The following DMD variants were observed in gnomAD, a reference collection of about 807,000 sequenced individuals.
The protein encoded by DMD is mutant dystrophin.
In DMD, 63 loss-of-function variants were observed where a neutral mutation model predicts 330.1. The ratio of observed to expected loss-of-function variants is 0.19; its 90% CI spans 0.16 to 0.24. The LOEUF is 0.24. DMD is among the 10% of genes least tolerant of loss of function. DMD has a pLI of 1.00. For synonymous variants in DMD, 1,223 were observed against 959.8 expected (o/e 1.27, Z -5.07); for missense variants, 3,344 against 2,684.1 (o/e 1.25, Z -5.43).
At chrX:31,183,090 C>T (rs1262061289) in intron 67 of DMD, among the ~76,000 whole-genome samples, 186 bp from the exon 68 acceptor site, 1 of 104,578 alleles carries the variant, frequency 9.6e-6, no homozygotes, top group Non-Finnish European at 1.9e-5. Context: ...ATCCAAAGAG[C>T]TACCCACTCC....
At chrX:33,154,870 T>C (rs1176806046) in intron 1 of DMD, among the ~76,000 whole-genome samples, 1 of 112,326 alleles carries the variant, frequency 8.9e-6, no homozygotes, top group Non-Finnish European at 1.9e-5. Context: ...AAAGGTTATT[T>C]TCCTCACCTC....
chrX:33,213,456 A>T (rs2051991915), upstream of DMD, among the ~76,000 whole-genome samples: 1 of 111,581 alleles, frequency 9.0e-6, no homozygotes, highest in African/African-American at 3.3e-5. Flanking sequence ...TAAAATTTAG[A>T]CCGAACAAAT....
chrX:33,128,180 A>G (rs2095476656), intron 1 of DMD: 1 of 1,205,870 alleles, frequency 8.3e-7, no homozygotes, highest in Non-Finnish European at 1.1e-6. Flanking sequence ...AATTCTGCGG[A>G]GGCTGGCTAC....
chrX:31,472,552 T>C (rs1453877906), intron 59 of DMD, among the ~76,000 whole-genome samples: 1 of 112,151 alleles, frequency 8.9e-6, no homozygotes, highest in East Asian at 2.8e-4. Context: ...TCAGAGGAAA[T>C]ATGCTTGGCT....
intron 44 of DMD, among the ~76,000 whole-genome samples, chrX:32,135,241 T>C (rs1459883077): frequency 8.9e-6 from 1 of 112,400 alleles, no homozygotes; most frequent in Non-Finnish European, 1.9e-5. Flanking sequence ...ACAGCAGTAA[T>C]AAAAAAACTT....
chrX:33,077,094 G>A (rs2094854407), intron 1 of DMD, among the ~76,000 whole-genome samples: 1 of 111,020 alleles, frequency 9.0e-6, no homozygotes, highest in African/African-American at 3.3e-5. Flanking sequence ...TCAAGTGCAG[G>A]GTCTGCAAAA....
intron 51 of DMD, among the ~76,000 whole-genome samples, chrX:31,766,031 C>A (rs2089971383): frequency 9.1e-6 from 1 of 110,296 alleles, no homozygotes; most frequent in African/African-American, 3.3e-5. Flanking sequence ...CTTTAAGGAC[C>A]AAAAGTTATG....
intron 1 of DMD, among the ~76,000 whole-genome samples, chrX:33,035,747 AC>A (rs898245426): frequency 8.9e-6 from 1 of 111,812 alleles, no homozygotes; most frequent in Non-Finnish European, 1.9e-5. Context: ...GATATAAAAA[AC>A]ATCATGCCAT....
intron 1 of DMD, among the ~76,000 whole-genome samples, chrX:33,274,001 C>T (rs966331024): frequency 5.4e-5 from 6 of 111,979 alleles, no homozygotes; most frequent in African/African-American, 9.7e-5. Context: ...TGATTGTATA[C>T]GGATTCACAT....
At chrX:32,087,192 T>C (rs1280329762) in intron 44 of DMD, among the ~76,000 whole-genome samples, 2 of 112,041 alleles carry the variant, frequency 1.8e-5, no homozygotes, top group South Asian at 3.7e-4. Flanking sequence ...TCCACTGATG[T>C]AGAAACGTAC....
At chrX:33,153,950 C>G (rs1476625964) in intron 1 of DMD, among the ~76,000 whole-genome samples, 1 of 112,499 alleles carries the variant, frequency 8.9e-6, no homozygotes, top group Non-Finnish European at 1.9e-5. Context: ...CATACTGCTC[C>G]TTCTGGCTAG....
chrX:31,756,055 C>A (rs1210474096), intron 51 of DMD, among the ~76,000 whole-genome samples: 2 of 111,265 alleles, frequency 1.8e-5, no homozygotes, highest in Non-Finnish European at 3.8e-5. Flanking sequence ...TGAGAGTAAG[C>A]CCGATCATTA....
rs372330460 is a variant in DMD, at chrX:32,501,745, G to A, written c.2380+10C>T. 71 of 1,179,258 alleles carry A rather than the reference G, an allele frequency of 6.0e-5. No homozygotes were observed. The African/African-American group carries it at 8.8e-4, about 15-fold the overall frequency. ...CTAAGAAGATTATCTAAATCAACTC[G>A]TGTAATTACCATTCACCATCTGTTC... On this transcript the variant is annotated intron_variant, in intron 19 of 78. Transcript: ENST00000357033.
chrX:31,587,325 C>T (rs946101941), intron 55 of DMD, among the ~76,000 whole-genome samples: 2 of 111,763 alleles, frequency 1.8e-5, no homozygotes, highest in African/African-American at 6.5e-5. Flanking sequence ...AGAGTATACT[C>T]TAAGTGTTCT....
chrX:32,890,384 G>T (rs144555245), intron 2 of DMD, among the ~76,000 whole-genome samples: 1,261 of 106,427 alleles, frequency 0.012, 26 homozygotes, highest in African/African-American at 0.041. Context: ...CAAACTTTTC[G>T]CGGGGAAGGA....
Position 32,557,993 on chromosome X carries a change from A to C in DMD, c.1992+7709T>G, listed in dbSNP as rs183374875. On this transcript the variant is annotated intron_variant, in intron 16 of 78. Coordinates refer to ENST00000357033, the MANE Select transcript of DMD (RefSeq NM_004006.3). ...TTAATTTATTACTGTAAGGTAATAAAATTTCTTGAATAAGTACTGACATTG... is the reference window on the plus strand; with the variant it reads ...TTAATTTATTACTGTAAGGTAATAACATTTCTTGAATAAGTACTGACATTG... Among the ~76,000 whole-genome samples the C allele has an allele frequency of 7.0e-3, 769 of 110,266 alleles. 8 individuals are homozygous for C. The highest frequency in any genetic ancestry group is 0.024 in the African/African-American group (720 of 30,529).
intron 2 of DMD, among the ~76,000 whole-genome samples, chrX:32,917,256 C>T (rs564412603): frequency 5.6e-4 from 61 of 108,300 alleles, no homozygotes; most frequent in African/African-American, 2.0e-3. Flanking sequence ...TGAGGCCTCC[C>T]CAGTCATGTG....
At chrX:31,348,802 G>C (rs770391754) in intron 60 of DMD, among the ~76,000 whole-genome samples, 168 bp from the exon 61 acceptor site, 1 of 111,829 alleles carries the variant, frequency 8.9e-6, no homozygotes, top group Non-Finnish European at 1.9e-5. Flanking sequence ...TAGTATTCCA[G>C]ACTCGTTTTT....
intron 37 of DMD, among the ~76,000 whole-genome samples, chrX:32,362,192 G>A (rs1306447998): frequency 9.0e-6 from 1 of 111,126 alleles, no homozygotes; most frequent in Non-Finnish European, 1.9e-5. Flanking sequence ...TGTTTTCATG[G>A]CGTGATCATT....
Sources: allele counts gnomAD v4.1 joint callset (sites outside exome capture counted in the v4.1 genomes callset), GRCh38; gene constraint gnomAD v4.1.1; transcripts MANE v1.5; gene names NCBI Gene and HGNC (gene_info 2026-07-23, HGNC 2026-07-21).